ELOC: variants seen among roughly 807,000 people sequenced by gnomAD.
ELOC encodes the protein elongin-C.
For synonymous variants in ELOC, 40 were observed against 51.3 expected, an observed-to-expected ratio of 0.78 and a Z score of 0.94; for missense variants, 38 against 139.0, an observed-to-expected ratio of 0.27 and a Z score of 3.65.
In ELOC at chr8:73,962,667, T is replaced by C. The variant is rs558338754; in HGVS notation, c.-50-2849A>G. Among the ~76,000 whole-genome samples, 6 of 151,988 alleles carry C rather than the reference T, an allele frequency of 3.9e-5. No individual in the cohort carries two copies. The East Asian group carries it at 7.7e-4, about 20-fold the overall frequency. On this transcript the variant is annotated intron_variant, in intron 1 of 3. Coordinates refer to ENST00000520242, the MANE Select transcript of ELOC (RefSeq NM_005648.4). ...TCTGGAAAATCCCTAGAATAAAACA[T>C]TTAGGATGTTTATCTAACTAGCAGT...
Position 73,967,059 on chromosome 8 carries a change from T to A in ELOC, c.-51+5018A>T, listed in dbSNP as rs112247964. On this transcript the variant is annotated intron_variant, in intron 1 of 3. Transcript: ENST00000520242. ...TCACAGAGCTGTTCTGAAGAATAAA[T>A]GGCTTTACATATAAAAGCACTCAGA... Among the ~76,000 whole-genome samples the A allele has an allele frequency of 7.0e-3, 1,068 of 152,278 alleles. 8 individuals carry two copies. Among genetic ancestry groups the A allele is most frequent in the Non-Finnish European group, 0.012 (803 of 68,026 alleles).
intron 2 of ELOC, among the ~76,000 whole-genome samples, 195 bp downstream of exon 2, chr8:73,959,570 T>C (rs1814450080): frequency 6.6e-6 from 1 of 152,196 alleles, no homozygotes; most frequent in Non-Finnish European, 1.5e-5. Context: ...TATGAAACCA[T>C]GTCACACATG....
chr8:73,946,897 T>C (rs1303363346), intron 3 of ELOC, 77 bp from the exon 4 acceptor site: 2 of 1,214,888 alleles, frequency 1.6e-6, no homozygotes, highest in Non-Finnish European at 2.3e-6. Flanking sequence ...CTTAACCCCT[T>C]GTACCACAGA....
intron 3 of ELOC, 102 bp downstream of exon 3, chr8:73,955,809 A>C (rs1407460440): frequency 8.0e-7 from 1 of 1,255,182 alleles, no homozygotes; most frequent in Non-Finnish European, 1.1e-6. Flanking sequence ...CAATGTTAGA[A>C]GACTTATTTT....
intron 1 of ELOC, among the ~76,000 whole-genome samples, chr8:73,966,765 C>A (rs1053534401): frequency 6.6e-6 from 1 of 151,916 alleles, no homozygotes; most frequent in African/African-American, 2.4e-5. Flanking sequence ...TGAGCCACCA[C>A]ACATAGCCCA....
intron 3 of ELOC, among the ~76,000 whole-genome samples, chr8:73,951,669 ACAACAACAACAAAAC>A (rs1339797262): frequency 2.0e-5 from 3 of 151,788 alleles, no homozygotes; most frequent in African/African-American, 7.3e-5. Flanking sequence ...AACAACAACA[ACAACAACAACAAAAC>A]AACAGACAAA....
intron 2 of ELOC, among the ~76,000 whole-genome samples, 189 bp downstream of exon 2, chr8:73,959,576 A>T (rs1218483087): frequency 2.6e-5 from 4 of 152,200 alleles, no homozygotes; most frequent in African/African-American, 9.7e-5. Context: ...ACCATGTCAC[A>T]CATGTGGTCC....
intron 3 of ELOC, among the ~76,000 whole-genome samples, chr8:73,950,236 T>C (rs1471472535): frequency 2.0e-5 from 3 of 152,204 alleles, no homozygotes; most frequent in Non-Finnish European, 4.4e-5. Context: ...AATGTGGCTC[T>C]TTCTGACATA....
At chr8:73,971,050 A>G (rs1391047557) in intron 1 of ELOC, among the ~76,000 whole-genome samples, 1 of 150,418 alleles carries the variant, frequency 6.6e-6, no homozygotes, top group Admixed American at 6.6e-5. Context: ...AAAAAAAAAA[A>G]AGAAAAAGAA....
At position 73,946,830 on chromosome 8, in the gene ELOC, A is replaced by C; in HGVS notation, c.149-10T>G. 1 of 1,605,020 alleles carries C rather than the reference A, an allele frequency of 6.2e-7. No homozygotes were observed. The highest frequency in any genetic ancestry group is 8.5e-7 in the Non-Finnish European group (1 of 1,174,078). On this transcript the variant is annotated splice_polypyrimidine_tract_variant and intron_variant, in intron 3 of 3. Coordinates refer to ENST00000520242, the MANE Select transcript of ELOC (RefSeq NM_005648.4). ...TTCTCAGCAAACTGACCTGTAAAACAAAAGAATTATGTATGTTATTGGCTG... is the reference window on the plus strand; with the variant it reads ...TTCTCAGCAAACTGACCTGTAAAACCAAAGAATTATGTATGTTATTGGCTG...
intron 1 of ELOC, among the ~76,000 whole-genome samples, chr8:73,960,463 A>T (rs1814514962): frequency 6.6e-6 from 1 of 152,166 alleles, no homozygotes; most frequent in Admixed American, 6.5e-5. Flanking sequence ...TAACAAAAGG[A>T]CTCAGGACAA....
At chr8:73,947,385 A>C (rs887242721) in intron 3 of ELOC, among the ~76,000 whole-genome samples, 1 of 152,130 alleles carries the variant, frequency 6.6e-6, no homozygotes, top group African/African-American at 2.4e-5. Flanking sequence ...ACAAAAAGAG[A>C]GCCTCAGAAG....
intron 3 of ELOC, among the ~76,000 whole-genome samples, chr8:73,955,239 C>T (rs1814080472): frequency 6.6e-6 from 1 of 152,140 alleles, no homozygotes; most frequent in Non-Finnish European, 1.5e-5. Context: ...GAAGCTGAGG[C>T]AGGCGGATCA....
intron 3 of ELOC, among the ~76,000 whole-genome samples, chr8:73,951,645 CCCA>C (rs1324075059): frequency 4.6e-5 from 4 of 86,984 alleles, no homozygotes; most frequent in Admixed American, 2.6e-4. Flanking sequence ...AACAAAAAAC[CCCA>C]CAACAACAAC....
In ELOC at chr8:73,956,028, A is replaced by T. The variant is rs1194805280; in HGVS notation, c.31T>A (p.Cys11Ser). ...ACATACATGGCATCAGGTCCTTCAC[A>T]GCCACCATAGGTTTTCTCCTCTCCA... MDGEEKTYGG[C>S]EGPDAMYVKL... Residue 11 changes from cysteine (C) to serine (S), a missense_variant, in exon 3 of 4, where the codon TGT becomes AGT. Physicochemically the swap from Cys to Ser is moderately radical, Grantham distance 112 (BLOSUM62 -1). Transcript: ENST00000520242. The T allele has an allele frequency of 6.2e-7, 1 of 1,613,504 alleles. No homozygotes were observed. The highest frequency in any genetic ancestry group is 8.5e-7 in the Non-Finnish European group (1 of 1,179,734).
At chr8:73,949,941 C>T (rs1813633654) in intron 3 of ELOC, among the ~76,000 whole-genome samples, 1 of 151,942 alleles carries the variant, frequency 6.6e-6, no homozygotes, top group African/African-American at 2.4e-5. Context: ...TTGCATTGTC[C>T]TGTGGAAAAG....
chr8:73,966,969 A>G (rs1365414118), intron 1 of ELOC, among the ~76,000 whole-genome samples: 1 of 152,158 alleles, frequency 6.6e-6, no homozygotes, highest in Non-Finnish European at 1.5e-5. Context: ...ACTGCGGGAG[A>G]ACTAACCTAA....
chr8:73,946,563 A>T lies in ELOC; in HGVS notation c.*67T>A. ...ACAGGCAACATGCTATATATGAAAAAGTTACTAACTGAACTACAGGTATTA... is the reference window on the plus strand; with the variant it reads ...ACAGGCAACATGCTATATATGAAAATGTTACTAACTGAACTACAGGTATTA... On this transcript the variant is annotated 3_prime_UTR_variant, in exon 4 of 4. Coordinates refer to ENST00000520242, the MANE Select transcript of ELOC (RefSeq NM_005648.4). 1 of 1,276,540 alleles carries T rather than the reference A, an allele frequency of 7.8e-7. No individual in the cohort carries two copies. The highest frequency in any genetic ancestry group is 1.1e-6 in the Non-Finnish European group (1 of 940,922). 79.1% of individuals were successfully genotyped at this position (1,276,540 alleles called of 1,614,324 possible).
intron 1 of ELOC, among the ~76,000 whole-genome samples, chr8:73,964,093 CAAAAAAA>C (rs61094442): frequency 1.4e-4 from 11 of 80,332 alleles, no homozygotes; most frequent in African/African-American, 4.1e-4. Context: ...AATTCCGTCT[CAAAAAAA>C]AAAAAAAAAA....
Sources: allele counts gnomAD v4.1 joint callset (sites outside exome capture counted in the v4.1 genomes callset), GRCh38; gene constraint gnomAD v4.1.1; transcripts MANE v1.5; gene names NCBI Gene and HGNC (gene_info 2026-07-23, HGNC 2026-07-21).